Variants in FUT9 observed in about 807,000 individuals in gnomAD.
FUT9 encodes fucosyltransferase 9, also known as 4-galactosyl-N-acetylglucosaminide 3-alpha-L-fucosyltransferase 9.
Under a neutral mutation model 29.7 loss-of-function variants are expected in FUT9, and 15 were observed. The observed-to-expected ratio is 0.51, with a 90% CI of 0.34 to 0.78. FUT9 has a LOEUF of 0.78. FUT9 is among the 30% of genes least tolerant of loss of function. The pLI is 0.01. For synonymous variants in FUT9, 169 were observed against 153.7 expected (o/e 1.10, Z -0.74); for missense variants, 319 against 425.4 (o/e 0.75, Z 2.20).
intron 2 of FUT9, among the ~76,000 whole-genome samples, chr6:96,121,663 T>A (rs1772030862): frequency 6.6e-6 from 1 of 152,166 alleles, no homozygotes; most frequent in African/African-American, 2.4e-5. Flanking sequence ...CTCTTCATAT[T>A]AAAAAATTAA....
chr6:96,036,973 A>C (rs1770374604), intron 1 of FUT9: 1 of 152,138 alleles, frequency 6.6e-6, no homozygotes, highest in East Asian at 1.9e-4. Flanking sequence ...CCTACTCTGG[A>C]AACCACACTT....
chr6:96,137,568 A>G (rs1047675380), intron 2 of FUT9, among the ~76,000 whole-genome samples: 2 of 152,106 alleles, frequency 1.3e-5, no homozygotes, highest in African/African-American at 4.8e-5. Context: ...ACATTGCCTC[A>G]GCAAGGTGAT....
rs1186375197 is a variant in FUT9 at position 96,213,284 on chromosome 6, A to G, written c.*9049A>G. On this transcript the variant is annotated 3_prime_UTR_variant, in exon 3 of 3. Coordinates refer to ENST00000302103, the MANE Select transcript of FUT9 (RefSeq NM_006581.4). Reference sequence around the variant, plus strand: ...TTGCCTCATTCCCTCAAGAATGCACATATAGACACACATATGCCAATATCT... The same window carrying G: ...TTGCCTCATTCCCTCAAGAATGCACGTATAGACACACATATGCCAATATCT... 2 of 166,878 alleles carry G rather than the reference A, an allele frequency of 1.2e-5. No homozygotes were observed. The highest frequency in any genetic ancestry group is 2.9e-5 in the Non-Finnish European group (2 of 68,030). The allele number at this position is 166,878 out of a possible 1,614,324, so 10.3% of individuals were successfully genotyped here.
chr6:96,110,059 T>C (rs2127960213), intron 1 of FUT9, among the ~76,000 whole-genome samples: 1 of 152,268 alleles, frequency 6.6e-6, no homozygotes, highest in Middle Eastern at 3.4e-3. Flanking sequence ...GCTGAGTCAT[T>C]GTCTTCAACT....
rs866943659 is a variant in FUT9, at chr6:96,204,820, T to G, written c.*585T>G. The G allele has an allele frequency of 6.0e-6, 1 of 166,642 alleles. No individual in the cohort carries two copies. Among genetic ancestry groups the G allele is most frequent in the South Asian group, 2.1e-4 (1 of 4,834 alleles). 10.3% of individuals were successfully genotyped at this position (166,642 alleles called of 1,614,324 possible). ...GAATAAGAAAGATATGAAGCAGAAC[T>G]GTTCTATTCGGGAAGCTATTAGACT... On this transcript the variant is annotated 3_prime_UTR_variant, in exon 3 of 3. Coordinates refer to ENST00000302103, the MANE Select transcript of FUT9 (RefSeq NM_006581.4).
At chr6:96,024,252 G>A (rs539852114) in intron 1 of FUT9, among the ~76,000 whole-genome samples, 6 of 151,722 alleles carry the variant, frequency 4.0e-5, no homozygotes, top group Non-Finnish European at 7.4e-5. Context: ...AACATTCTTG[G>A]ATAGGTGCAT....
At chr6:96,019,573 T>G (rs915327706) in intron 1 of FUT9, among the ~76,000 whole-genome samples, 3 of 151,996 alleles carry the variant, frequency 2.0e-5, no homozygotes, top group Non-Finnish European at 2.9e-5. Flanking sequence ...ATATGTAAAA[T>G]GAATATTTCA....
intron 2 of FUT9, among the ~76,000 whole-genome samples, chr6:96,130,731 C>T (rs931292223): frequency 1.5e-4 from 23 of 152,112 alleles, no homozygotes; most frequent in African/African-American, 5.6e-4. Flanking sequence ...GAACTACATA[C>T]ACATGTTTTC....
rs959873214 is a variant in FUT9, at chr6:96,208,220, T to C, written c.*3985T>C. On this transcript the variant is annotated 3_prime_UTR_variant, in exon 3 of 3. Transcript: ENST00000302103. ...GAAACTATGCCTCTGATATTTTTTT[T>C]GTCAGCCTATTTTTAAACTAGATTC... is the stretch of plus-strand genomic sequence containing the variant. 1 of 162,802 alleles carries C rather than the reference T, an allele frequency of 6.1e-6. No individual in the cohort carries two copies. The highest frequency in any genetic ancestry group is 1.5e-5 in the Non-Finnish European group (1 of 66,480). The allele number at this position is 162,802 out of a possible 1,614,324, so 10.1% of individuals were successfully genotyped here.
intron 1 of FUT9, among the ~76,000 whole-genome samples, chr6:96,027,913 A>AT (rs1237274871): frequency 4.0e-5 from 6 of 151,474 alleles, no homozygotes; most frequent in African/African-American, 7.3e-5. Context: ...GGTTTTTGTA[A>AT]TTTTTTTGTC....
Position 96,164,502 on chromosome 6 carries a change from C to A in FUT9, c.-8-38646C>A, listed in dbSNP as rs1188757625. Reference sequence around the variant, plus strand: ...CTCAACCTCCTGACCTCGTGATCCACCCACCTTGGCCTCCCAAAGTGCTAG... The same window carrying A: ...CTCAACCTCCTGACCTCGTGATCCAACCACCTTGGCCTCCCAAAGTGCTAG... On this transcript the variant is annotated intron_variant, in intron 2 of 2. Coordinates refer to ENST00000302103, the MANE Select transcript of FUT9 (RefSeq NM_006581.4). Among the ~76,000 whole-genome samples, 3 of 152,112 alleles carry A rather than the reference C, an allele frequency of 2.0e-5. No individual in the cohort carries two copies. In the East Asian group the frequency reaches 5.8e-4, roughly 29 times the overall value.
chr6:96,155,141 CT>C (rs1227724713), intron 2 of FUT9, among the ~76,000 whole-genome samples: 1 of 152,080 alleles, frequency 6.6e-6, no homozygotes, highest in African/African-American at 2.4e-5. Context: ...TAATGCCTGC[CT>C]TTTTTTGAAT....
intron 2 of FUT9, among the ~76,000 whole-genome samples, chr6:96,167,034 G>A (rs1286518731): frequency 6.6e-6 from 1 of 152,140 alleles, no homozygotes; most frequent in Admixed American, 6.6e-5. Flanking sequence ...CATGGATACA[G>A]GGGGTTGACT....
chr6:96,193,016 C>T (rs1461278684), intron 2 of FUT9, among the ~76,000 whole-genome samples: 25 of 151,824 alleles, frequency 1.6e-4, no homozygotes, highest in East Asian at 3.9e-4. Flanking sequence ...AAACCTGAAA[C>T]GGGATCCCTT....
At chr6:96,133,088 C>A (rs1459942592) in intron 2 of FUT9, among the ~76,000 whole-genome samples, 1 of 151,992 alleles carries the variant, frequency 6.6e-6, no homozygotes, top group Middle Eastern at 3.4e-3. Flanking sequence ...CCTCATCCCC[C>A]TCCCACCCTT....
At chr6:96,048,899 T>G (rs1770614318) in intron 1 of FUT9, among the ~76,000 whole-genome samples, 1 of 152,154 alleles carries the variant, frequency 6.6e-6, no homozygotes, top group Non-Finnish European at 1.5e-5. Context: ...TGTCTGCATT[T>G]GAATCCTGAT....
At chr6:96,145,726 C>T (rs970949640) in intron 2 of FUT9, among the ~76,000 whole-genome samples, 8 of 152,238 alleles carry the variant, frequency 5.3e-5, no homozygotes, top group East Asian at 1.9e-4. Flanking sequence ...AGGCAGGCTG[C>T]GCACGGCTTG....
chr6:96,187,534 G>A (rs150011768), intron 2 of FUT9, among the ~76,000 whole-genome samples: 1,696 of 152,242 alleles, frequency 0.011, 15 homozygotes, highest in Non-Finnish European at 0.018. Flanking sequence ...TAAAACTCCT[G>A]TGGTCTTTTA....
intron 2 of FUT9, among the ~76,000 whole-genome samples, chr6:96,177,084 TAAATATTACCCTA>T (rs1174745290): frequency 6.6e-6 from 1 of 152,162 alleles, no homozygotes; most frequent in Non-Finnish European, 1.5e-5. Context: ...CTATCTCCTT[TAAATATTACCCTA>T]AATTATGTGA....
Sources: gnomAD v4.1 joint callset for allele counts (sites outside exome capture counted in the v4.1 genomes callset) on GRCh38, gnomAD v4.1.1 for gene constraint, MANE v1.5 for transcripts, NCBI Gene and HGNC (gene_info 2026-07-23, HGNC 2026-07-21) for gene names.